Variants in PTPRG observed in about 807,000 individuals in gnomAD.
The protein encoded by PTPRG is protein tyrosine phosphatase receptor type G.
A neutral mutation model predicts 165.3 loss-of-function variants in PTPRG; 102 were observed. The observed-to-expected ratio is 0.62, with a 90% confidence interval of 0.53 to 0.73. The LOEUF is 0.73. Among genes scored for constraint, PTPRG ranks in the 30% least tolerant of loss-of-function variants. The pLI is 0.00. For synonymous variants in PTPRG, 675 were observed against 669.5 expected, an observed-to-expected ratio of 1.01 and a Z score of -0.13; for missense variants, 1,866 against 1,861.4, an observed-to-expected ratio of 1.00 and a Z score of -0.05.
intron 2 of PTPRG, among the ~76,000 whole-genome samples, chr3:61,804,278 C>A (rs1292509975): frequency 6.6e-6 from 1 of 152,150 alleles, no homozygotes; most frequent in Non-Finnish European, 1.5e-5. Context: ...CCAGAACTAC[C>A]TTTGTTCTCT....
In PTPRG at chr3:62,293,598, G is replaced by A. The variant is rs567840899; in HGVS notation, c.*291G>A. On this transcript the variant is annotated 3_prime_UTR_variant, in exon 30 of 30. Transcript: ENST00000474889. ...AAACCCTGATGTGACATTCCATGACGACATACATGCTACTTTTTTTTAGTT... is the reference window on the plus strand; with the variant it reads ...AAACCCTGATGTGACATTCCATGACAACATACATGCTACTTTTTTTTAGTT... 1.7e-5 allele frequency: 4 copies of A among 234,876 alleles called. No homozygotes were observed. Among genetic ancestry groups the A allele is most frequent in the Admixed American group, 5.5e-5 (1 of 18,148 alleles). The allele number at this position is 234,876 out of a possible 1,614,324, so 14.5% of individuals were successfully genotyped here.
chr3:62,141,430 C>G (rs186271726), intron 6 of PTPRG, among the ~76,000 whole-genome samples: 29 of 152,104 alleles, frequency 1.9e-4, no homozygotes, highest in African/African-American at 6.5e-4. Context: ...TGTTTTATCT[C>G]TACAAAAAAG....
At position 61,994,274 on chromosome 3, in the gene PTPRG, C is replaced by G. The variant is rs896947764; in HGVS notation, c.370+4470C>G. Reference sequence around the variant, plus strand: ...TCTGATGTATGTTAATAAGACGTGGCCTTCTATGAATTTTAACTATTGGGA... The same window carrying G: ...TCTGATGTATGTTAATAAGACGTGGGCTTCTATGAATTTTAACTATTGGGA... On this transcript the variant is annotated intron_variant, in intron 3 of 29. Transcript: ENST00000474889. Among the ~76,000 whole-genome samples, 21 of 152,076 alleles carry G rather than the reference C, an allele frequency of 1.4e-4. 1 individual carries two copies. Among genetic ancestry groups the G allele is most frequent in the Middle Eastern group, 6.3e-3 (2 of 316 alleles).
intron 1 of PTPRG, among the ~76,000 whole-genome samples, chr3:61,580,631 G>T (rs760218727): frequency 6.6e-6 from 1 of 152,044 alleles, no homozygotes; most frequent in African/African-American, 2.4e-5. Context: ...CAATGCGCCC[G>T]GCCATCTGAT....
chr3:62,196,894 A>C (rs1699977210), intron 10 of PTPRG, among the ~76,000 whole-genome samples: 1 of 149,004 alleles, frequency 6.7e-6, no homozygotes, highest in Non-Finnish European at 1.5e-5. Flanking sequence ...GTGGACCAGC[A>C]GCAGCAGCAG....
At chr3:61,768,954 T>A (rs2034121719) in intron 2 of PTPRG, among the ~76,000 whole-genome samples, 1 of 152,188 alleles carries the variant, frequency 6.6e-6, no homozygotes, top group South Asian at 2.1e-4. Flanking sequence ...TTCACACACC[T>A]CCTATGAAGT....
chr3:61,835,994 C>T (rs1302176937), intron 2 of PTPRG, among the ~76,000 whole-genome samples: 3 of 151,276 alleles, frequency 2.0e-5, no homozygotes, highest in South Asian at 4.2e-4. Flanking sequence ...GAGCTAAGAT[C>T]GCGCCATTGC....
chr3:61,740,363 A>G (rs1464856634), intron 1 of PTPRG, among the ~76,000 whole-genome samples: 1 of 152,106 alleles, frequency 6.6e-6, no homozygotes, highest in East Asian at 1.9e-4. Context: ...GAACCATGGT[A>G]TTTTTCAGAT....
chr3:62,023,082 A>G (rs1033630798), intron 4 of PTPRG, among the ~76,000 whole-genome samples: 10 of 152,186 alleles, frequency 6.6e-5, no homozygotes, highest in Non-Finnish European at 1.0e-4. Flanking sequence ...ACAGCTATAT[A>G]TATTATGACT....
chr3:62,188,320 A>G (rs1374167465), intron 8 of PTPRG, among the ~76,000 whole-genome samples: 1 of 152,188 alleles, frequency 6.6e-6, no homozygotes, highest in African/African-American at 2.4e-5. Flanking sequence ...AGCTGCAGTG[A>G]GCCATGATCC....
chr3:61,918,256 G>T (rs2038990323), intron 2 of PTPRG, among the ~76,000 whole-genome samples: 2 of 152,102 alleles, frequency 1.3e-5, no homozygotes, highest in South Asian at 4.1e-4. Flanking sequence ...ATTCTCAGGG[G>T]ACTAAATCAG....
At chr3:61,926,079 C>T (rs1482555195) in intron 2 of PTPRG, among the ~76,000 whole-genome samples, 1 of 152,160 alleles carries the variant, frequency 6.6e-6, no homozygotes, top group Non-Finnish European at 1.5e-5. Context: ...GCAGGTCATT[C>T]ACAGACACAG....
chr3:61,814,101 A>G (rs1391930019), intron 2 of PTPRG, among the ~76,000 whole-genome samples: 3 of 152,084 alleles, frequency 2.0e-5, no homozygotes, highest in Non-Finnish European at 4.4e-5. Context: ...GGGTTTCACC[A>G]TGTTAGCCAG....
intron 2 of PTPRG, among the ~76,000 whole-genome samples, chr3:61,797,469 G>C (rs2035083551): frequency 6.6e-6 from 1 of 152,086 alleles, no homozygotes; most frequent in Admixed American, 6.6e-5. Flanking sequence ...AGAAAAAAAT[G>C]TTGATACAAA....
At chr3:61,888,935 C>T (rs1048888316) in intron 2 of PTPRG, among the ~76,000 whole-genome samples, 3 of 152,120 alleles carry the variant, frequency 2.0e-5, no homozygotes, top group Admixed American at 1.3e-4. Context: ...TTCCCTGATA[C>T]TTCTTTGTGA....
intron 7 of PTPRG, among the ~76,000 whole-genome samples, chr3:62,158,379 T>C (rs1221554390): frequency 6.6e-6 from 1 of 152,200 alleles, no homozygotes; most frequent in East Asian, 1.9e-4. Context: ...ATTTGAGCCA[T>C]TAACCAAGAC....
chr3:62,289,853 G>A (rs1285839828), intron 28 of PTPRG, among the ~76,000 whole-genome samples: 1 of 151,964 alleles, frequency 6.6e-6, no homozygotes, highest in African/African-American at 2.4e-5. Flanking sequence ...CTTGCTTTCA[G>A]TTCTAGCACG....
intron 2 of PTPRG, among the ~76,000 whole-genome samples, chr3:61,947,576 G>A (rs1253745972): frequency 6.6e-6 from 1 of 152,158 alleles, no homozygotes; most frequent in African/African-American, 2.4e-5. Flanking sequence ...GCCAGGACAA[G>A]CAGGGTGGAA....
At chr3:61,710,177 A>G (rs1433848535) in intron 1 of PTPRG, among the ~76,000 whole-genome samples, 1 of 152,212 alleles carries the variant, frequency 6.6e-6, no homozygotes, top group Non-Finnish European at 1.5e-5. Context: ...AATTTAAAGT[A>G]TGATGGAAGT....
Sources: allele counts gnomAD v4.1 joint callset (sites outside exome capture counted in the v4.1 genomes callset), GRCh38; gene constraint gnomAD v4.1.1; transcripts MANE v1.5; gene names NCBI Gene and HGNC (gene_info 2026-07-23, HGNC 2026-07-21).